Variants in TAFA1 observed in about 807,000 individuals in gnomAD.
The protein encoded by TAFA1 is TAFA chemokine like family member 1.
Under a neutral mutation model 18.5 loss-of-function variants are expected in TAFA1, and 4 were observed. The ratio of observed to expected loss-of-function variants is 0.22; its 90% CI spans 0.11 to 0.49. The LOEUF is 0.49. Ranked by LOEUF, TAFA1 falls within the 20% of genes least tolerant of loss-of-function variation. The pLI, the probability that TAFA1 is intolerant of heterozygous loss-of-function variation, is 0.98. For missense variants in TAFA1, 147 were observed against 169.0 expected, an observed-to-expected ratio of 0.87 and a Z score of 0.72; for synonymous variants, 56 against 55.2, an observed-to-expected ratio of 1.01 and a Z score of -0.06.
At chr3:68,202,687 A>G (rs943358351) in intron 2 of TAFA1, among the ~76,000 whole-genome samples, 1 of 151,664 alleles carries the variant, frequency 6.6e-6, no homozygotes, top group Non-Finnish European at 1.5e-5. Flanking sequence ...ACAAAACAAT[A>G]CTAATTTCTT....
intron 2 of TAFA1, among the ~76,000 whole-genome samples, chr3:68,078,367 G>A (rs1159844798): frequency 3.3e-5 from 5 of 152,122 alleles, no homozygotes. Context: ...AGTGGTGAGA[G>A]AGGTCATCCC....
rs533731872 is a variant in TAFA1 at position 68,049,848 on chromosome 3, C to G, written c.118+43104C>G. ...TTCCACCCTCAAATGGCTTTCATCC[C>G]GCTCTGAATAAACTCCCAAAGATGT... On this transcript the variant is annotated intron_variant, in intron 2 of 4. Coordinates refer to ENST00000478136, the MANE Select transcript of TAFA1 (RefSeq NM_213609.4). 2.0e-5 allele frequency among the ~76,000 whole-genome samples: 3 copies of G among 152,120 alleles called. No individual in the cohort carries two copies. The East Asian group carries it at 5.8e-4, about 30-fold the overall frequency.
chr3:68,460,735 A>G (rs1258046206), intron 3 of TAFA1, among the ~76,000 whole-genome samples: 1 of 152,136 alleles, frequency 6.6e-6, no homozygotes, highest in African/African-American at 2.4e-5. Context: ...CCTGCCTCCC[A>G]TCAGCAAAGG....
chr3:68,354,022 A>C (rs921772429), intron 2 of TAFA1, among the ~76,000 whole-genome samples: 1 of 152,040 alleles, frequency 6.6e-6, no homozygotes, highest in Non-Finnish European at 1.5e-5. Context: ...ATTAGCAGCC[A>C]GTGGGTTCTC....
At position 68,108,335 on chromosome 3, in the gene TAFA1, C is replaced by CA. The variant is rs932608682; in HGVS notation, c.118+101599dup. Among the ~76,000 whole-genome samples the CA allele has an allele frequency of 1.1e-3, 170 of 150,616 alleles. 1 individual carries two copies. Among genetic ancestry groups the CA allele is most frequent in the African/African-American group, 3.9e-3 (162 of 41,042 alleles). ...TTCTAATGCATCAATGGTCCCAAGACAAAAAAAAGACAAAAATGTTTGTTT... is the reference window on the plus strand; with the variant it reads ...TTCTAATGCATCAATGGTCCCAAGACAAAAAAAAAGACAAAAATGTTTGTTT... On this transcript the variant is annotated intron_variant, in intron 2 of 4. Transcript: ENST00000478136.
At chr3:68,169,695 C>A (rs1179346462) in intron 2 of TAFA1, among the ~76,000 whole-genome samples, 1 of 152,196 alleles carries the variant, frequency 6.6e-6, no homozygotes, top group East Asian at 1.9e-4. Context: ...GACAATGAGT[C>A]TGTATCTCAC....
intron 3 of TAFA1, among the ~76,000 whole-genome samples, chr3:68,430,630 AG>A (rs2071152025): frequency 6.6e-6 from 1 of 151,956 alleles, no homozygotes; most frequent in Admixed American, 6.6e-5. Context: ...GTCTGACAAC[AG>A]ATTTCAAAAC....
At position 68,528,543 on chromosome 3, in the gene TAFA1, G is replaced by C. The variant is rs146834235; in HGVS notation, c.260-10213G>C. ...CAATAACACACTGGGAGTCACTACAGGTCTTTTGAAGAAAAGAGTTGTAAC... is the reference window on the plus strand; with the variant it reads ...CAATAACACACTGGGAGTCACTACACGTCTTTTGAAGAAAAGAGTTGTAAC... On this transcript the variant is annotated intron_variant, in intron 3 of 4. Transcript: ENST00000478136. 2.4e-4 allele frequency among the ~76,000 whole-genome samples: 36 copies of C among 152,250 alleles called. No individual in the cohort carries two copies. In the East Asian group the frequency reaches 5.8e-3, roughly 25 times the overall value.
chr3:68,411,480 A>C (rs574076567), intron 2 of TAFA1, among the ~76,000 whole-genome samples: 1 of 152,314 alleles, frequency 6.6e-6, no homozygotes, highest in Non-Finnish European at 1.5e-5. Context: ...CTGAAACAGG[A>C]AAGTATATTA....
At chr3:68,131,164 C>T (rs2065531703) in intron 2 of TAFA1, among the ~76,000 whole-genome samples, 1 of 152,144 alleles carries the variant, frequency 6.6e-6, no homozygotes. Context: ...TATAACTAGT[C>T]ATGCATGTGA....
At chr3:68,520,233 A>G (rs1350929045) in intron 3 of TAFA1, among the ~76,000 whole-genome samples, 4 of 152,230 alleles carry the variant, frequency 2.6e-5, no homozygotes, top group African/African-American at 9.6e-5. Flanking sequence ...CACAAATTAT[A>G]TTCACGAAGA....
At chr3:68,153,047 T>C (rs1322464047) in intron 2 of TAFA1, among the ~76,000 whole-genome samples, 1 of 152,144 alleles carries the variant, frequency 6.6e-6, no homozygotes, top group African/African-American at 2.4e-5. Context: ...GGAGAGGGAA[T>C]GGATGTTGGG....
At chr3:68,073,265 A>C (rs2106753630) in intron 2 of TAFA1, among the ~76,000 whole-genome samples, 1 of 152,348 alleles carries the variant, frequency 6.6e-6, no homozygotes, top group South Asian at 2.1e-4. Context: ...TTAGAGTTAG[A>C]GGCAACCTGA....
chr3:68,462,904 G>A (rs1397070024), intron 3 of TAFA1, among the ~76,000 whole-genome samples: 1 of 152,292 alleles, frequency 6.6e-6, no homozygotes, highest in Middle Eastern at 3.4e-3. Context: ...TGTTGTGAGT[G>A]TGATATGTTT....
chr3:68,092,023 GCAATGT>G (rs2065035700), intron 2 of TAFA1, among the ~76,000 whole-genome samples: 2 of 152,096 alleles, frequency 1.3e-5, no homozygotes, highest in African/African-American at 4.8e-5. Context: ...CCAGTTCAAA[GCAATGT>G]CCCATTTCCT....
At chr3:68,119,405 A>G (rs2065361272) in intron 2 of TAFA1, among the ~76,000 whole-genome samples, 2 of 151,416 alleles carry the variant, frequency 1.3e-5, no homozygotes, top group South Asian at 4.2e-4. Flanking sequence ...TAATTTATCT[A>G]CTTTTGCTTT....
chr3:68,043,123 C>T (rs1037323058), intron 2 of TAFA1, among the ~76,000 whole-genome samples: 6 of 152,084 alleles, frequency 3.9e-5, no homozygotes, highest in Admixed American at 6.6e-5. Context: ...CTGCCTGCCT[C>T]GGCCTCCCAA....
At chr3:68,507,584 T>C (rs954375775) in intron 3 of TAFA1, among the ~76,000 whole-genome samples, 3 of 152,124 alleles carry the variant, frequency 2.0e-5, no homozygotes, top group African/African-American at 7.2e-5. Flanking sequence ...TAAATGATTA[T>C]GGAGCTCACA....
intron 2 of TAFA1, among the ~76,000 whole-genome samples, chr3:68,243,586 C>G (rs748827143): frequency 6.6e-6 from 1 of 151,948 alleles, no homozygotes; most frequent in Non-Finnish European, 1.5e-5. Context: ...TTTCATGCAG[C>G]GTAATTTCCT....
Sources: allele counts gnomAD v4.1 joint callset (sites outside exome capture counted in the v4.1 genomes callset), GRCh38; gene constraint gnomAD v4.1.1; transcripts MANE v1.5; gene names NCBI Gene and HGNC (gene_info 2026-07-23, HGNC 2026-07-21).